The following AUTS2 variants were observed in gnomAD, a reference collection of about 807,000 sequenced individuals.
AUTS2 encodes the protein activator of transcription and developmental regulator AUTS2, also known as autism susceptibility gene 2 protein.
In AUTS2, 17 loss-of-function variants were observed where a neutral mutation model predicts 112.4. That is an observed-to-expected ratio of 0.15 (90% CI 0.10 to 0.23). The LOEUF is 0.23. Ranked by LOEUF, AUTS2 falls within the 10% of genes least tolerant of loss-of-function variation. The probability of loss-of-function intolerance (pLI) is 1.00; values close to 1 mark genes in which losing one functional copy is unlikely to be tolerated. For synonymous variants in AUTS2, 751 were observed against 702.7 expected, an observed-to-expected ratio of 1.07 and a Z score of -1.09; for missense variants, 1,510 against 1,701.6, an observed-to-expected ratio of 0.89 and a Z score of 1.98.
intron 5 of AUTS2, among the ~76,000 whole-genome samples, chr7:70,654,284 TATTTGAGGGC>T (rs1403949867): frequency 6.6e-6 from 1 of 152,176 alleles, no homozygotes; most frequent in African/African-American, 2.4e-5. Flanking sequence ...AGATAGTAAA[TATTTGAGGGC>T]TTTTGAGGGC....
intron 1 of AUTS2, among the ~76,000 whole-genome samples, chr7:69,867,937 T>C (rs971002655): frequency 6.6e-6 from 1 of 152,102 alleles, no homozygotes; most frequent in Non-Finnish European, 1.5e-5. Context: ...CATGCAATAT[T>C]TGAGAATACT....
intron 4 of AUTS2, among the ~76,000 whole-genome samples, chr7:70,408,156 G>A (rs1794622601): frequency 6.6e-6 from 1 of 151,726 alleles, no homozygotes; most frequent in East Asian, 1.9e-4. Flanking sequence ...ACTCCCACCT[G>A]GGTGACAGAG....
intron 6 of AUTS2, among the ~76,000 whole-genome samples, chr7:70,713,789 A>G (rs778120034): frequency 6.6e-5 from 10 of 152,082 alleles, no homozygotes; most frequent in Non-Finnish European, 1.3e-4. Context: ...CCAGCTACTC[A>G]GGAGGCTGAG....
intron 2 of AUTS2, among the ~76,000 whole-genome samples, chr7:70,059,023 A>G (rs1802121292): frequency 6.6e-6 from 1 of 152,114 alleles, no homozygotes; most frequent in Non-Finnish European, 1.5e-5. Context: ...GCAAAACATA[A>G]TCACCCATCT....
chr7:70,622,253 G>A (rs1363068394), intron 5 of AUTS2, among the ~76,000 whole-genome samples: 1 of 152,050 alleles, frequency 6.6e-6, no homozygotes, highest in African/African-American at 2.4e-5. Flanking sequence ...CTTTCTCCAA[G>A]TTCTCTTAAA....
chr7:70,732,108 G>GTAT (rs1465215403), intron 6 of AUTS2, among the ~76,000 whole-genome samples: 13 of 152,088 alleles, frequency 8.5e-5, no homozygotes, highest in Non-Finnish European at 1.9e-4. Context: ...GTCTATAAGG[G>GTAT]TATTTCCTAA....
At chr7:69,604,654 G>A (rs551516281) in intron 1 of AUTS2, among the ~76,000 whole-genome samples, 3 of 152,330 alleles carry the variant, frequency 2.0e-5, no homozygotes, top group Non-Finnish European at 4.4e-5. Context: ...GAAGGCACAG[G>A]AACAAGATGC....
Position 70,771,596 on chromosome 7 carries a change from C to T in AUTS2, c.1782C>T (p.Ile594=). Residue 594 remains isoleucine, a synonymous_variant, in exon 11 of 19, where the codon ATC becomes ATT. Coordinates refer to ENST00000342771, the MANE Select transcript of AUTS2 (RefSeq NM_015570.4). ...PPAVSGIPPM[I]PPTGPFGSLQ... ...CAGTGTCGGGCATCCCCCCTATGAT[C>T]CCACCCACTGGCCCTTTTGGTTCAC... 6.2e-7 allele frequency: 1 copy of T among 1,613,842 alleles called. No homozygotes were observed. The highest frequency in any genetic ancestry group is 8.5e-7 in the Non-Finnish European group (1 of 1,179,770).
chr7:70,352,730 T>C (rs1028185282), intron 4 of AUTS2, among the ~76,000 whole-genome samples: 9 of 152,112 alleles, frequency 5.9e-5, no homozygotes, highest in Admixed American at 5.9e-4. Context: ...TAAATGCTTG[T>C]TTAAAAAACA....
chr7:69,894,715 T>G (rs910329069), intron 1 of AUTS2, among the ~76,000 whole-genome samples: 1 of 152,174 alleles, frequency 6.6e-6, no homozygotes, highest in Non-Finnish European at 1.5e-5. Flanking sequence ...TGATAATGTT[T>G]CTTTTCTCCT....
chr7:70,214,775 A>G (rs1295962448), intron 4 of AUTS2, among the ~76,000 whole-genome samples: 2 of 152,238 alleles, frequency 1.3e-5, no homozygotes, highest in Non-Finnish European at 2.9e-5. Context: ...TAATGTATAC[A>G]AACAGTAATA....
chr7:69,650,339 G>T (rs1478306648), intron 1 of AUTS2, among the ~76,000 whole-genome samples: 2 of 152,174 alleles, frequency 1.3e-5, no homozygotes. Flanking sequence ...TTACATTTTA[G>T]ATATACTTTC....
chr7:70,620,298 A>G (rs903818513), intron 5 of AUTS2, among the ~76,000 whole-genome samples: 1 of 152,140 alleles, frequency 6.6e-6, no homozygotes, highest in African/African-American at 2.4e-5. Flanking sequence ...AAACACAATC[A>G]TATTCCCTGT....
At chr7:69,769,777 G>T (rs191385175) in intron 1 of AUTS2, among the ~76,000 whole-genome samples, 1 of 152,274 alleles carries the variant, frequency 6.6e-6, no homozygotes, top group Admixed American at 6.5e-5. Context: ...AAACTAAGGT[G>T]GAAAAGATAA....
At chr7:70,584,316 C>G (rs962203105) in intron 5 of AUTS2, among the ~76,000 whole-genome samples, 5 of 152,210 alleles carry the variant, frequency 3.3e-5, no homozygotes, top group Non-Finnish European at 5.9e-5. Flanking sequence ...GACACCACTG[C>G]TTTAGCAGAC....
At chr7:69,871,861 C>T (rs937285068) in intron 1 of AUTS2, among the ~76,000 whole-genome samples, 4 of 152,098 alleles carry the variant, frequency 2.6e-5, no homozygotes, top group Non-Finnish European at 5.9e-5. Flanking sequence ...TTGTAGTTGA[C>T]TATGGGTGAC....
chr7:69,758,478 A>G (rs1313481711), intron 1 of AUTS2, among the ~76,000 whole-genome samples: 1 of 152,194 alleles, frequency 6.6e-6, no homozygotes, highest in Non-Finnish European at 1.5e-5. Context: ...TCCGGAGTAA[A>G]TAAAACAACT....
intron 2 of AUTS2, among the ~76,000 whole-genome samples, chr7:69,985,897 A>G (rs1226359198): frequency 6.6e-6 from 1 of 152,072 alleles, no homozygotes; most frequent in Non-Finnish European, 1.5e-5. Flanking sequence ...CTAAGACTAC[A>G]GGCACGTGCC....
intron 6 of AUTS2, among the ~76,000 whole-genome samples, chr7:70,754,029 C>T (rs968815049): frequency 1.2e-4 from 18 of 151,374 alleles, no homozygotes; most frequent in Non-Finnish European, 2.4e-4. Flanking sequence ...GGCGTGGTGG[C>T]GGGTGCCTGT....
Sources: gnomAD v4.1 joint callset for allele counts (sites outside exome capture counted in the v4.1 genomes callset) on GRCh38, gnomAD v4.1.1 for gene constraint, MANE v1.5 for transcripts, NCBI Gene and HGNC (gene_info 2026-07-23, HGNC 2026-07-21) for gene names.